TENM3: variants seen among roughly 807,000 people sequenced by gnomAD.
The protein encoded by TENM3 is teneurin transmembrane protein 3, also known as teneurin-3.
Under a neutral mutation model 255.1 loss-of-function variants are expected in TENM3, and 63 were observed. The ratio of observed to expected loss-of-function variants is 0.25; its 90% confidence interval spans 0.20 to 0.30. TENM3 has a LOEUF of 0.30. TENM3 is among the 10% of genes least tolerant of loss of function. The pLI is 1.00. For missense variants in TENM3, 2,929 were observed against 3,461.1 expected (o/e 0.85, Z 3.86); for synonymous variants, 1,306 against 1,322.3 (o/e 0.99, Z 0.27).
chr4:182,438,636 A>T (rs550010700), intron 3 of TENM3, among the ~76,000 whole-genome samples: 160 of 152,322 alleles, frequency 1.1e-3, no homozygotes, highest in African/African-American at 3.7e-3. Context: ...ATACAACCAA[A>T]AAAGATGCAG....
intron 1 of TENM3, among the ~76,000 whole-genome samples, chr4:182,284,983 A>C (rs910801087): frequency 1.3e-5 from 2 of 152,176 alleles, no homozygotes; most frequent in African/African-American, 4.8e-5. Context: ...AAGAGGCACA[A>C]GTTAATATTT....
At chr4:182,506,337 T>A (rs1736814166) in intron 3 of TENM3, among the ~76,000 whole-genome samples, 1 of 152,178 alleles carries the variant, frequency 6.6e-6, no homozygotes, top group Non-Finnish European at 1.5e-5. Flanking sequence ...GTCAGAAAAC[T>A]TGAAGTTCAA....
chr4:182,387,937 CAA>C (rs5864781), intron 3 of TENM3, among the ~76,000 whole-genome samples: 114,265 of 136,704 alleles, frequency 0.84, 48,661 homozygotes, highest in Non-Finnish European at 0.92. Flanking sequence ...GTGATAATTG[CAA>C]AAAAAAAAAA....
At chr4:181,996,457 A>G in the TENM3 span, among the ~76,000 whole-genome samples, 9 of 152,186 alleles carry the variant, frequency 5.9e-5, no homozygotes, top group South Asian at 6.2e-4. Context: ...GGAGCCTAGC[A>G]GTTTTAGGAA....
the TENM3 span, among the ~76,000 whole-genome samples, chr4:181,570,790 A>T: frequency 6.6e-6 from 1 of 152,130 alleles, no homozygotes; most frequent in Non-Finnish European, 1.5e-5. Flanking sequence ...ACAAGACACA[A>T]TTCGATCTGC....
intron 1 of TENM3, among the ~76,000 whole-genome samples, chr4:182,207,940 A>ATGC (rs1754698021): frequency 6.6e-6 from 1 of 152,200 alleles, no homozygotes; most frequent in Non-Finnish European, 1.5e-5. Flanking sequence ...CTGGTTAAAA[A>ATGC]TGCTGCTGCT....
chr4:181,522,215 A>G, the TENM3 span, among the ~76,000 whole-genome samples: 2 of 151,830 alleles, frequency 1.3e-5, no homozygotes, highest in Non-Finnish European at 2.9e-5. Flanking sequence ...AAATATCACC[A>G]TGTTATACTC....
chr4:182,272,374 C>G (rs1759700786), intron 1 of TENM3, among the ~76,000 whole-genome samples: 1 of 152,156 alleles, frequency 6.6e-6, no homozygotes, highest in East Asian at 1.9e-4. Flanking sequence ...TGATTTACTA[C>G]AGGTTTAGAT....
chr4:181,817,364 C>T, the TENM3 span, among the ~76,000 whole-genome samples: 1 of 152,142 alleles, frequency 6.6e-6, no homozygotes, highest in African/African-American at 2.4e-5. Context: ...ACCTCCCTAC[C>T]TTTGTGATAG....
intron 3 of TENM3, among the ~76,000 whole-genome samples, chr4:182,545,091 A>T (rs897691262): frequency 2.6e-5 from 4 of 152,190 alleles, no homozygotes; most frequent in Non-Finnish European, 5.9e-5. Context: ...GCTTCTCCTG[A>T]TAGAAAAAAA....
the TENM3 span, among the ~76,000 whole-genome samples, chr4:181,772,976 T>G: frequency 1.3e-5 from 2 of 152,170 alleles, no homozygotes; most frequent in Non-Finnish European, 2.9e-5. Flanking sequence ...CTCAAAAACA[T>G]TTAGAGACAT....
At chr4:181,910,056 C>T in the TENM3 span, among the ~76,000 whole-genome samples, 13 of 152,038 alleles carry the variant, frequency 8.6e-5, no homozygotes, top group East Asian at 1.9e-4. Context: ...GAAAATAAAA[C>T]GTATGCAAAT....
intron 3 of TENM3, among the ~76,000 whole-genome samples, chr4:182,370,376 A>AT (rs1364229422): frequency 6.6e-6 from 1 of 152,268 alleles, no homozygotes; most frequent in East Asian, 1.9e-4. Context: ...CTATTCTTTT[A>AT]TTTTGTTTTG....
chr4:182,459,360 A>G (rs1024385891), intron 3 of TENM3, among the ~76,000 whole-genome samples: 19 of 152,194 alleles, frequency 1.2e-4, no homozygotes, highest in African/African-American at 4.3e-4. Context: ...GGAGTTTTTA[A>G]GAGTTGAGTG....
intron 19 of TENM3, among the ~76,000 whole-genome samples, chr4:182,745,497 A>G (rs1161073556): frequency 6.6e-6 from 1 of 152,194 alleles, no homozygotes; most frequent in African/African-American, 2.4e-5. Flanking sequence ...CCTTTTAACA[A>G]GCGGGCCTAT....
chr4:181,589,228 A>G, the TENM3 span, among the ~76,000 whole-genome samples: 1 of 152,208 alleles, frequency 6.6e-6, no homozygotes, highest in Non-Finnish European at 1.5e-5. Flanking sequence ...AATTTTCTGA[A>G]CATTTTTCTA....
At chr4:182,678,020 A>T (rs1015457834) in intron 7 of TENM3, among the ~76,000 whole-genome samples, 1 of 152,016 alleles carries the variant, frequency 6.6e-6, no homozygotes, top group African/African-American at 2.4e-5. Flanking sequence ...TATGATTTAT[A>T]TATGCAGTAG....
intron 1 of TENM3, among the ~76,000 whole-genome samples, chr4:182,269,810 G>A (rs954581340): frequency 9.2e-5 from 14 of 152,110 alleles, no homozygotes; most frequent in Non-Finnish European, 1.3e-4. Flanking sequence ...GCCATGGCTC[G>A]GGGAACAGTC....
the TENM3 span, among the ~76,000 whole-genome samples, chr4:181,861,371 G>A: frequency 2.0e-5 from 3 of 152,122 alleles, no homozygotes; most frequent in Non-Finnish European, 4.4e-5. Context: ...TCTTGAGGCA[G>A]TCTTTCAACA....
Sources: gnomAD v4.1 joint callset for allele counts (sites outside exome capture counted in the v4.1 genomes callset) on GRCh38, gnomAD v4.1.1 for gene constraint, MANE v1.5 for transcripts, NCBI Gene and HGNC (gene_info 2026-07-23, HGNC 2026-07-21) for gene names.